The following IL1R1 variants were observed in gnomAD, a reference collection of about 807,000 sequenced individuals.
IL1R1 encodes interleukin-1 receptor type 1.
A neutral mutation model predicts 50.2 loss-of-function variants in IL1R1; 22 were observed. The observed-to-expected ratio is 0.44, with a 90% confidence interval of 0.31 to 0.63. The LOEUF (loss-of-function observed/expected upper bound fraction) is 0.63, where lower values mean the gene tolerates loss of function less well. Ranked by LOEUF, IL1R1 falls within the 20% of genes least tolerant of loss-of-function variation. The pLI, the probability that IL1R1 is intolerant of heterozygous loss-of-function variation, is 0.07. For synonymous variants in IL1R1, 251 were observed against 236.7 expected (o/e 1.06, Z -0.55); for missense variants, 509 against 676.2 (o/e 0.75, Z 2.74).
intron 1 of IL1R1, among the ~76,000 whole-genome samples, chr2:102,073,816 A>T (rs949863056): frequency 2.6e-5 from 4 of 152,154 alleles, no homozygotes; most frequent in African/African-American, 9.7e-5. Context: ...AAGAGGCAAA[A>T]AGCAACCCTA....
intron 1 of IL1R1, among the ~76,000 whole-genome samples, chr2:102,074,235 C>T (rs992988406): frequency 4.6e-5 from 7 of 152,160 alleles, no homozygotes; most frequent in African/African-American, 9.7e-5. Context: ...TCTCTTTTCT[C>T]GTGGTTCTGT....
At chr2:102,161,675 T>C (rs1684739828) in intron 3 of IL1R1, among the ~76,000 whole-genome samples, 1 of 152,160 alleles carries the variant, frequency 6.6e-6, no homozygotes. Flanking sequence ...ATGACTTCTT[T>C]ATTTTTTTAA....
Position 102,118,973 on chromosome 2 carries a change from G to A in IL1R1, c.-84+14101G>A, listed in dbSNP as rs557261472. On this transcript the variant is annotated intron_variant, in intron 1 of 10. Transcript: ENST00000409329. The stretch of plus-strand genomic sequence containing the variant: ...GCAGAGCTTGCGGTGAGCCGAGATC[G>A]CTCCACTGCTCTCCAGCTTGGGCAA... Among the ~76,000 whole-genome samples, 267 of 134,526 alleles carry A rather than the reference G, an allele frequency of 2.0e-3. 2 individuals are homozygous for A. The highest frequency in any genetic ancestry group is 6.6e-3 in the African/African-American group (237 of 35,684). 88.3% of individuals were successfully genotyped at this position (134,526 alleles called of 152,430 possible).
chr2:102,110,923 G>T (rs146333527), intron 1 of IL1R1, among the ~76,000 whole-genome samples: 3 of 152,140 alleles, frequency 2.0e-5, no homozygotes, highest in Admixed American at 2.0e-4. Flanking sequence ...GCCACGGTCC[G>T]TGTTAGCCTG....
intron 1 of IL1R1, among the ~76,000 whole-genome samples, chr2:102,131,775 A>G (rs1322239405): frequency 6.6e-6 from 1 of 152,190 alleles, no homozygotes; most frequent in Non-Finnish European, 1.5e-5. Context: ...GAGTGACAGG[A>G]AAAATATTTG....
intron 1 of IL1R1, among the ~76,000 whole-genome samples, chr2:102,143,259 G>C (rs1038547684): frequency 3.3e-5 from 5 of 152,158 alleles, no homozygotes; most frequent in African/African-American, 1.2e-4. Flanking sequence ...TTGTTCTGGA[G>C]GGGGGTTCTA....
intron 1 of IL1R1, among the ~76,000 whole-genome samples, chr2:102,114,585 G>A (rs1033174294): frequency 6.6e-6 from 1 of 152,200 alleles, no homozygotes; most frequent in Non-Finnish European, 1.5e-5. Flanking sequence ...GGGAGAAGGG[G>A]AGGTTACATT....
chr2:102,157,551 A>G (rs912869260), intron 2 of IL1R1, among the ~76,000 whole-genome samples, 168 bp from the exon 3 acceptor site: 6 of 152,190 alleles, frequency 3.9e-5, no homozygotes, highest in Admixed American at 1.3e-4. Flanking sequence ...CCATTTTCTA[A>G]CCAGAAGTCA....
intron 1 of IL1R1, among the ~76,000 whole-genome samples, chr2:102,087,798 A>T (rs1679492476): frequency 6.9e-6 from 1 of 144,170 alleles, no homozygotes; most frequent in African/African-American, 2.5e-5. Context: ...TTCGTAAATT[A>T]CTCAGTTCTT....
At chr2:102,172,490 T>A in intron 8 of IL1R1, 197 bp from the exon 9 acceptor site, 1 of 1,163,314 alleles carries the variant, frequency 8.6e-7, no homozygotes, top group East Asian at 3.1e-5. Flanking sequence ...ACTGAGCCTG[T>A]TACTGACAGT....
chr2:102,108,238 GT>G (rs1559465842), intron 1 of IL1R1, among the ~76,000 whole-genome samples: 1 of 96,082 alleles, frequency 1.0e-5, no homozygotes, highest in African/African-American at 4.3e-5. Flanking sequence ...ATGTGTGTGT[GT>G]GTGGGGGGGG....
At chr2:102,087,435 T>C (rs996836333) in intron 1 of IL1R1, among the ~76,000 whole-genome samples, 8 of 152,254 alleles carry the variant, frequency 5.3e-5, no homozygotes, top group Admixed American at 2.6e-4. Flanking sequence ...GTTAATCCTC[T>C]CAAACCCTGA....
chr2:102,104,353 A>G (rs1680287017), upstream of IL1R1, among the ~76,000 whole-genome samples: 1 of 152,200 alleles, frequency 6.6e-6, no homozygotes, highest in South Asian at 2.1e-4. Flanking sequence ...GACTCTGATG[A>G]TGGGAACATG....
At chr2:102,139,719 C>T (rs574633149), upstream of IL1R1, among the ~76,000 whole-genome samples, 71 of 152,318 alleles carry the variant, frequency 4.7e-4, no homozygotes, top group African/African-American at 1.6e-3. Flanking sequence ...CTCGCTTCCT[C>T]CTGCTCTGGC....
chr2:102,127,040 G>A (rs1577907978), intron 1 of IL1R1, among the ~76,000 whole-genome samples: 1 of 152,350 alleles, frequency 6.6e-6, no homozygotes, highest in East Asian at 1.9e-4. Flanking sequence ...ACCCTTGGGT[G>A]TGGCCATCCT....
chr2:102,171,813 A>G lies in IL1R1; in HGVS notation c.734A>G (p.Gln245Arg), dbSNP rs1291613349. 3 of 1,591,586 alleles carry G rather than the reference A, an allele frequency of 1.9e-6. No homozygotes were observed. In the Admixed American group the frequency reaches 5.1e-5, roughly 27 times the overall value. The change falls in exon 8 of 12, where the codon CAA becomes CGA. Residue 245 changes from glutamine to arginine, a missense_variant. Physicochemically the swap from Gln to Arg is conservative, Grantham distance 43. Coordinates refer to ENST00000410023, the MANE Select transcript of IL1R1 (RefSeq NM_000877.4). ...TMEVDLGSQIQLICNVTGQLS... is the reference protein window; with the variant it reads ...TMEVDLGSQIRLICNVTGQLS... ...ACATTCTTTGCAGGATCCCAGATAC[A>G]ATTGATCTGTAATGTCACCGGCCAG...
chr2:102,159,087 TG>T (rs1171592550), intron 3 of IL1R1, among the ~76,000 whole-genome samples: 2 of 152,206 alleles, frequency 1.3e-5, no homozygotes, highest in Non-Finnish European at 2.9e-5. Context: ...ATTGATGAGA[TG>T]GGGAAGATCA....
chr2:102,123,043 A>T (rs1487452512), intron 1 of IL1R1, among the ~76,000 whole-genome samples: 2 of 152,246 alleles, frequency 1.3e-5, no homozygotes, highest in Admixed American at 6.5e-5. Flanking sequence ...AAATATAGGC[A>T]TGCTGAGCAA....
Position 102,105,823 on chromosome 2 carries a change from T to G in IL1R1, c.-84+951T>G, listed in dbSNP as rs1341861110. On this transcript the variant is annotated intron_variant, in intron 1 of 10. Coordinates refer to the IL1R1 transcript ENST00000409329. Reference sequence around the variant, plus strand: ...CTCCCCCCTTCAGAAGCTTTGCCAATGTTGCACCTATAGCTATAGAGAAGA... The same window carrying G: ...CTCCCCCCTTCAGAAGCTTTGCCAAGGTTGCACCTATAGCTATAGAGAAGA... Among the ~76,000 whole-genome samples the G allele has an allele frequency of 4.6e-5, 7 of 152,342 alleles. 1 individual carries two copies. The South Asian group carries it at 8.3e-4, about 18-fold the overall frequency.
Sources: gnomAD v4.1 joint callset for allele counts (sites outside exome capture counted in the v4.1 genomes callset) on GRCh38, gnomAD v4.1.1 for gene constraint, MANE v1.5 for transcripts, NCBI Gene and HGNC (gene_info 2026-07-23, HGNC 2026-07-21) for gene names.